The following PUS10 variants were observed in gnomAD, a reference collection of about 807,000 sequenced individuals.
The protein encoded by PUS10 is pseudouridine synthase 10.
PUS10 carries 59 observed loss-of-function variants against 75.0 expected under a neutral mutation model. The ratio of observed to expected loss-of-function variants is 0.79; its 90% CI spans 0.64 to 0.98. The LOEUF (loss-of-function observed/expected upper bound fraction) is 0.98. Among genes scored for constraint, PUS10 ranks in the 50% least tolerant of loss-of-function variants. The pLI, the probability that PUS10 is intolerant of heterozygous loss-of-function variation, is 0.00. For synonymous variants in PUS10, 219 were observed against 211.6 expected, an observed-to-expected ratio of 1.03 and a Z score of -0.30; for missense variants, 650 against 614.4, an observed-to-expected ratio of 1.06 and a Z score of -0.61.
At position 60,953,125 on chromosome 2, in the gene PUS10, A is replaced by C; in HGVS notation, c.1191-11T>G. The C allele has an allele frequency of 7.0e-7, 1 of 1,428,722 alleles. No homozygotes were observed. The highest frequency in any genetic ancestry group is 9.7e-7 in the Non-Finnish European group (1 of 1,025,690). The allele number at this position is 1,428,722 out of a possible 1,614,324, so 88.5% of individuals were successfully genotyped here. A position where few individuals can be genotyped will look rare whatever the true frequency, so the allele number is the denominator to read the frequency against. ...TGTCCTATTGCCTCTCTAAACAAAA[A>C]CAATTTTTAGAAGTTTGTCCAAATA... is the stretch of plus-strand genomic sequence containing the variant. On this transcript the variant is annotated splice_polypyrimidine_tract_variant and intron_variant, in intron 14 of 17. Coordinates refer to ENST00000316752, the MANE Select transcript of PUS10 (RefSeq NM_144709.4).
At chr2:60,991,722 G>A (rs1398961247) in intron 4 of PUS10, among the ~76,000 whole-genome samples, 1 of 152,228 alleles carries the variant, frequency 6.6e-6, no homozygotes, top group African/African-American at 2.4e-5. Context: ...AATGATATGT[G>A]TGAGGGGGTA....
At chr2:60,971,630 A>G in intron 4 of PUS10, 73 bp from the exon 5 acceptor site, 1 of 1,363,992 alleles carries the variant, frequency 7.3e-7, no homozygotes, top group South Asian at 1.2e-5. Flanking sequence ...TCTCAATATC[A>G]TTACTGAAGT....
rs574393734 is a variant in PUS10, at chr2:60,988,802, A to AT, written c.469-17246dup. Among the ~76,000 whole-genome samples the AT allele has an allele frequency of 4.6e-3, 623 of 135,054 alleles. 1 individual carries two copies. Among genetic ancestry groups the AT allele is most frequent in the African/African-American group, 9.2e-3 (339 of 36,686 alleles). 88.6% of individuals were successfully genotyped at this position (135,054 alleles called of 152,430 possible). A position where few individuals can be genotyped will look rare whatever the true frequency, so the allele number is the denominator to read the frequency against. On this transcript the variant is annotated intron_variant, in intron 4 of 17. Coordinates refer to ENST00000316752, the MANE Select transcript of PUS10 (RefSeq NM_144709.4). Reference sequence around the variant, plus strand: ...AAGTGCGCGCCACCATACCGGGTTAATTTTTTTTTTTTTTTTTTTAGTAGA... The same window carrying AT: ...AAGTGCGCGCCACCATACCGGGTTAATTTTTTTTTTTTTTTTTTTTAGTAGA...
At chr2:61,006,679 A>G in intron 3 of PUS10, 36 bp from the exon 4 acceptor site, 1 of 1,496,246 alleles carries the variant, frequency 6.7e-7, no homozygotes, top group South Asian at 1.2e-5. Flanking sequence ...ATTCCCAGGA[A>G]TTGCTGAAAA....
At position 60,965,243 on chromosome 2, in the gene PUS10, C is replaced by T. The variant is rs1199680450; in HGVS notation, c.678-140G>A. 13 of 999,034 alleles carry T rather than the reference C, an allele frequency of 1.3e-5. 1 individual carries two copies. The highest frequency in any genetic ancestry group is 8.3e-5 in the South Asian group (6 of 72,190). 61.9% of individuals were successfully genotyped at this position (999,034 alleles called of 1,614,324 possible). ...AAATGAGTCCCTGTATGAGCTATATCGGTTTGCCCAGGAACTATGTTCAAG... is the reference window on the plus strand; with the variant it reads ...AAATGAGTCCCTGTATGAGCTATATTGGTTTGCCCAGGAACTATGTTCAAG... On this transcript the variant is annotated intron_variant, in intron 7 of 17. Coordinates refer to ENST00000316752, the MANE Select transcript of PUS10 (RefSeq NM_144709.4).
chr2:60,961,579 T>G (rs1259115575), intron 9 of PUS10, 31 bp from the exon 10 acceptor site: 1 of 1,552,730 alleles, frequency 6.4e-7, no homozygotes, highest in Non-Finnish European at 8.9e-7. Flanking sequence ...TATAGCTATT[T>G]TCCAGACATA....
intron 2 of PUS10, chr2:61,010,860 T>C (rs1559001550): frequency 6.5e-7 from 1 of 1,550,348 alleles, no homozygotes; most frequent in African/African-American, 1.4e-5. Context: ...GGCAGGTTGC[T>C]TAACCTCTCT....
At chr2:60,971,459 T>C in intron 5 of PUS10, 64 bp downstream of exon 5, 2 of 1,409,206 alleles carry the variant, frequency 1.4e-6, no homozygotes, top group Non-Finnish European at 1.0e-6. Context: ...GTAGTAAAAG[T>C]GCTTTAAGAA....
intron 2 of PUS10, chr2:61,010,703 C>T: frequency 7.1e-7 from 1 of 1,409,978 alleles, no homozygotes; most frequent in Middle Eastern, 1.8e-4. Context: ...GTATTATCAT[C>T]ATTCCCATTT....
At chr2:60,961,767 G>T (rs1034263677) in intron 9 of PUS10, among the ~76,000 whole-genome samples, 2 of 152,102 alleles carry the variant, frequency 1.3e-5, no homozygotes, top group Non-Finnish European at 1.5e-5. Flanking sequence ...TTTCACCTTC[G>T]GGAGGACTTA....
intron 14 of PUS10, 54 bp downstream of exon 14, chr2:60,953,879 G>A: frequency 1.5e-6 from 2 of 1,345,538 alleles, no homozygotes; most frequent in Non-Finnish European, 1.1e-6. Flanking sequence ...CAAGATATGT[G>A]ACCTGCAACT....
At chr2:60,945,784 T>C (rs895254546) in intron 16 of PUS10, among the ~76,000 whole-genome samples, 1 of 152,246 alleles carries the variant, frequency 6.6e-6, no homozygotes, top group Non-Finnish European at 1.5e-5. Context: ...TAGAATTTGT[T>C]TTTAAGATTA....
intron 5 of PUS10, 42 bp downstream of exon 5, chr2:60,971,481 G>T: frequency 1.9e-6 from 3 of 1,552,678 alleles, no homozygotes; most frequent in Non-Finnish European, 2.7e-6. Context: ...CAGGTAGCTT[G>T]TATTTGAATG....
At chr2:60,954,264 G>GAGTTA in intron 12 of PUS10, 106 bp from the exon 13 acceptor site, 8 of 973,480 alleles carry the variant, frequency 8.2e-6, no homozygotes, top group Non-Finnish European at 1.3e-5. Context: ...AGCTCTAGAG[G>GAGTTA]ACTGAAAGTT....
intron 11 of PUS10, among the ~76,000 whole-genome samples, chr2:60,956,248 T>C (rs1675644293): frequency 6.6e-6 from 1 of 152,172 alleles, no homozygotes. Context: ...TCCATAGCAA[T>C]ATCGGTATCT....
intron 8 of PUS10, among the ~76,000 whole-genome samples, chr2:60,964,263 C>T (rs887837651): frequency 1.3e-5 from 2 of 152,218 alleles, no homozygotes; most frequent in Non-Finnish European, 2.9e-5. Context: ...TTCTTTCCCC[C>T]AGTTCTAAAA....
At chr2:60,987,102 T>C (rs1378665890) in intron 4 of PUS10, among the ~76,000 whole-genome samples, 1 of 152,254 alleles carries the variant, frequency 6.6e-6, no homozygotes, top group Non-Finnish European at 1.5e-5. Flanking sequence ...TTTCTAGTTT[T>C]AGTCTAAAAG....
chr2:61,015,025 G>GA (rs1271369621), intron 1 of PUS10, among the ~76,000 whole-genome samples: 3 of 152,168 alleles, frequency 2.0e-5, no homozygotes, highest in Non-Finnish European at 4.4e-5. Context: ...TAATTCAGGG[G>GA]AATATGTGAG....
chr2:60,968,273 G>T (rs1348325756), intron 5 of PUS10, among the ~76,000 whole-genome samples: 1 of 152,062 alleles, frequency 6.6e-6, no homozygotes, highest in Admixed American at 6.6e-5. Flanking sequence ...CTAAAATTGT[G>T]ATAGAAAGGA....
Sources: allele counts gnomAD v4.1 joint callset (sites outside exome capture counted in the v4.1 genomes callset), GRCh38; gene constraint gnomAD v4.1.1; transcripts MANE v1.5; gene names NCBI Gene and HGNC (gene_info 2026-07-23, HGNC 2026-07-21).